YTHDF2: variants seen among roughly 807,000 people sequenced by gnomAD.
The protein encoded by YTHDF2 is YTH N6-methyladenosine RNA binding protein F2, also known as YTH domain-containing family protein 2.
Under a neutral mutation model 50.4 loss-of-function variants are expected in YTHDF2, and 2 were observed. That is an observed-to-expected ratio of 0.04 (90% CI 0.02 to 0.12). The LOEUF (loss-of-function observed/expected upper bound fraction) is 0.12, where lower values mean the gene tolerates loss of function less well. Ranked by LOEUF, YTHDF2 falls within the 10% of genes least tolerant of loss-of-function variation. The pLI is 1.00. For missense variants in YTHDF2, 483 were observed against 722.6 expected (o/e 0.67, Z 3.80); for synonymous variants, 217 against 255.6 (o/e 0.85, Z 1.44).
rs1169753628 is a variant in YTHDF2 at position 28,761,012 on chromosome 1, A to G, written c.1717-7917A>G. On this transcript the variant is annotated intron_variant, in intron 4 of 4. Coordinates refer to ENST00000373812, the MANE Select transcript of YTHDF2 (RefSeq NM_016258.3). ...GTAATGTTTTGTGCTACATCCTTACAGTGGCTTCGACATCGCTAGGTGATA... is the reference window on the plus strand; with the variant it reads ...GTAATGTTTTGTGCTACATCCTTACGGTGGCTTCGACATCGCTAGGTGATA... 2.6e-5 allele frequency among the ~76,000 whole-genome samples: 4 copies of G among 152,228 alleles called. No individual in the cohort carries two copies. The East Asian group carries it at 7.7e-4, about 29-fold the overall frequency.
intron 4 of YTHDF2, among the ~76,000 whole-genome samples, chr1:28,750,963 C>G (rs893344867): frequency 7.3e-5 from 11 of 151,398 alleles, no homozygotes; most frequent in African/African-American, 2.4e-4. Context: ...CGTGGTGGCT[C>G]GTGCCTGTAA....
At chr1:28,749,496 G>A (rs2087916318) in intron 4 of YTHDF2, among the ~76,000 whole-genome samples, 1 of 152,038 alleles carries the variant, frequency 6.6e-6, no homozygotes, top group South Asian at 2.1e-4. Flanking sequence ...TTTCTCTTTT[G>A]ACTCAACTTT....
rs554373083 is a variant in YTHDF2, at chr1:28,756,697, A to C, written c.1717-12232A>C. ...TCAGCAAGTTCAGCATCTCTTCTAA[A>C]GGTGTTGGGTGATTTAGTCTGGGCG... On this transcript the variant is annotated intron_variant, in intron 4 of 4. Coordinates refer to ENST00000373812, the MANE Select transcript of YTHDF2 (RefSeq NM_016258.3). Among the ~76,000 whole-genome samples the C allele has an allele frequency of 3.3e-5, 5 of 152,142 alleles. No homozygotes were observed. The South Asian group carries it at 6.2e-4, about 19-fold the overall frequency.
chr1:28,757,230 C>T (rs1406071139), intron 4 of YTHDF2, among the ~76,000 whole-genome samples: 2 of 152,152 alleles, frequency 1.3e-5, no homozygotes, highest in African/African-American at 2.4e-5. Context: ...TATTAAAGTA[C>T]TAATTGACAG....
Position 28,743,501 on chromosome 1 carries a change from C to T in YTHDF2, c.1231C>T (p.Arg411Trp), listed in dbSNP as rs767348680. The T allele has an allele frequency of 4.3e-6, 7 of 1,613,918 alleles. No homozygotes were observed. Among genetic ancestry groups the T allele is most frequent in the African/African-American group, 1.3e-5 (1 of 74,852 alleles). Reference protein sequence around the residue: ...KDFDWNLKHGRVFIIKSYSED... With the variant: ...KDFDWNLKHGWVFIIKSYSED... ...TTTTGACTGGAATCTGAAACATGGC[C>T]GGGTTTTCATCATTAAGAGCTACTC... Residue 411 changes from arginine (R) to tryptophan (W), a missense_variant, in exon 4 of 5, where the codon CGG becomes TGG. By Grantham distance (101) the Arg-to-Trp change is moderately radical. Transcript: ENST00000373812. The surrounding 1 kb of genome is among the most constrained non-coding windows in gnomAD (Gnocchi z 6.9).
At chr1:28,737,418 C>T (rs962965075) in intron 1 of YTHDF2, 15 of 639,314 alleles carry the variant, frequency 2.3e-5, no homozygotes, top group South Asian at 4.2e-5. Flanking sequence ...CCTTCCCCTT[C>T]CTTAAAGCCC....
At chr1:28,744,080 T>A in intron 4 of YTHDF2, 94 bp downstream of exon 4, 1 of 1,308,096 alleles carries the variant, frequency 7.6e-7, no homozygotes, top group Non-Finnish European at 1.0e-6. Context: ...AAAAACTCTG[T>A]AAATGAATAC....
At chr1:28,737,849 G>A in intron 2 of YTHDF2, 167 bp downstream of exon 2, 1 of 703,728 alleles carries the variant, frequency 1.4e-6, no homozygotes, top group Non-Finnish European at 2.3e-6. Flanking sequence ...TGCAGCTGGC[G>A]AACAGCTTTT....
rs867665897 is a variant in YTHDF2 at position 28,737,419 on chromosome 1, C to T, written c.28-239C>T. ...TTCCTTCCTTGTTTCCTTCCCCTTC[C>T]TTAAAGCCCTGGGTTCCTCGCGTCG... On this transcript the variant is annotated intron_variant, in intron 1 of 4. Transcript: ENST00000373812. The T allele has an allele frequency of 4.5e-5, 29 of 644,646 alleles. 1 individual carries two copies. The highest frequency in any genetic ancestry group is 2.7e-4 in the African/African-American group (14 of 52,178). 39.9% of individuals were successfully genotyped at this position (644,646 alleles called of 1,614,324 possible).
chr1:28,759,945 G>C (rs2088089599), intron 4 of YTHDF2, among the ~76,000 whole-genome samples: 2 of 152,160 alleles, frequency 1.3e-5, no homozygotes, highest in Non-Finnish European at 2.9e-5. Context: ...AACAGAGCGA[G>C]ACTCTTGTCT....
At chr1:28,736,695 G>C (rs937241329), upstream of YTHDF2, 1 of 221,996 alleles carries the variant, frequency 4.5e-6, no homozygotes, top group Non-Finnish European at 9.1e-6. Flanking sequence ...TTAATCCTGG[G>C]GCGGTGGGGG....
chr1:28,763,783 G>A lies in YTHDF2; in HGVS notation c.1717-5146G>A, dbSNP rs146267370. Among the ~76,000 whole-genome samples, 1,377 of 149,702 alleles carry A rather than the reference G, an allele frequency of 9.2e-3. 15 individuals carry two copies. The highest frequency in any genetic ancestry group is 0.032 in the African/African-American group (1,292 of 40,696). ...TTTTTTTTTTTTTGGGATTATGGGC[G>A]TGAGCCACTGAGCCTGGCCGACAAT... On this transcript the variant is annotated intron_variant, in intron 4 of 4. Coordinates refer to ENST00000373812, the MANE Select transcript of YTHDF2 (RefSeq NM_016258.3).
intron 4 of YTHDF2, among the ~76,000 whole-genome samples, chr1:28,765,917 C>T (rs2088209459): frequency 6.6e-6 from 1 of 152,188 alleles, no homozygotes; most frequent in Admixed American, 6.5e-5. Context: ...AGAACAAAGA[C>T]ATGCAGTTAC....
intron 4 of YTHDF2, among the ~76,000 whole-genome samples, chr1:28,755,209 G>A (rs1420336990): frequency 2.0e-5 from 3 of 152,148 alleles, no homozygotes; most frequent in African/African-American, 7.2e-5. Flanking sequence ...AGTTTCAGGT[G>A]CCTGTGATAG....
rs2087697587 is a variant in YTHDF2 at position 28,736,990 on chromosome 1, C to G, written c.-131C>G. On this transcript the variant is annotated 5_prime_UTR_variant, in exon 1 of 5. Transcript: ENST00000373812. ...GCCTGAGCCGCGCGCTGTGTCTCCG[C>G]TGCGTCCGCCGAGGCCCCCGAGTGT... The G allele has an allele frequency of 8.4e-7, 1 of 1,189,518 alleles. No individual in the cohort carries two copies. Among genetic ancestry groups the G allele is most frequent in the Non-Finnish European group, 1.2e-6 (1 of 850,700 alleles). 73.7% of individuals were successfully genotyped at this position (1,189,518 alleles called of 1,614,324 possible).
At chr1:28,763,872 T>TG (rs998319886) in intron 4 of YTHDF2, among the ~76,000 whole-genome samples, 7 of 27,398 alleles carry the variant, frequency 2.6e-4, no homozygotes, top group African/African-American at 1.2e-3. Context: ...CCAACTTTTG[T>TG]TTTTTTTTTT....
At position 28,737,721 on chromosome 1, in the gene YTHDF2, G is replaced by A. The variant is rs201131801; in HGVS notation, c.52+39G>A. Reference sequence around the variant, plus strand: ...CGCCGGTGGCCCTGAGCCGGGAGGGGGACGCGGGGCGGTGGGGGCGGGGTC... The same window carrying A: ...CGCCGGTGGCCCTGAGCCGGGAGGGAGACGCGGGGCGGTGGGGGCGGGGTC... On this transcript the variant is annotated intron_variant, in intron 2 of 4. Coordinates refer to ENST00000373812, the MANE Select transcript of YTHDF2 (RefSeq NM_016258.3). 108 of 1,610,514 alleles carry A rather than the reference G, an allele frequency of 6.7e-5. 1 individual carries two copies. Among genetic ancestry groups the A allele is most frequent in the Non-Finnish European group, 9.1e-5 (107 of 1,178,904 alleles).
At chr1:28,760,720 A>C (rs1348763920) in intron 4 of YTHDF2, among the ~76,000 whole-genome samples, 1 of 151,872 alleles carries the variant, frequency 6.6e-6, no homozygotes, top group Admixed American at 6.6e-5. Context: ...AGCTGGGACT[A>C]CAGCCGCGTG....
chr1:28,740,442 A>G (rs2087758259), intron 3 of YTHDF2: 3 of 152,338 alleles, frequency 2.0e-5, no homozygotes, highest in Middle Eastern at 3.4e-3. Context: ...AAATTTGGCT[A>G]ATAATATAAA....
Sources: gnomAD v4.1 joint callset for allele counts (sites outside exome capture counted in the v4.1 genomes callset) on GRCh38, gnomAD v4.1.1 for gene constraint, Gnocchi (gnomAD v3.1) non-coding constraint, MANE v1.5 for transcripts, NCBI Gene and HGNC (gene_info 2026-07-23, HGNC 2026-07-21) for gene names.